PCDHA13: variants seen among roughly 807,000 people sequenced by gnomAD.
PCDHA13 encodes protocadherin alpha-13.
In PCDHA13, 54 loss-of-function variants were observed where a neutral mutation model predicts 64.8. That is an observed-to-expected ratio of 0.83 (90% CI 0.67 to 1.04). PCDHA13 has a LOEUF of 1.04. Ranked by LOEUF, PCDHA13 falls within the 50% of genes least tolerant of loss-of-function variation. The probability of loss-of-function intolerance (pLI) is 0.00; values close to 1 mark genes in which losing one functional copy is unlikely to be tolerated. For synonymous variants in PCDHA13, 587 were observed against 564.4 expected, an observed-to-expected ratio of 1.04 and a Z score of -0.57; for missense variants, 1,248 against 1,254.3, an observed-to-expected ratio of 0.99 and a Z score of 0.08.
intron 3 of PCDHA13, among the ~76,000 whole-genome samples, chr5:140,989,801 G>A (rs1554251107): frequency 1.3e-5 from 2 of 152,184 alleles, no homozygotes; most frequent in Non-Finnish European, 1.5e-5. Context: ...CCCAGGAAAG[G>A]GCCATAAGAT....
At chr5:140,968,704 G>A (rs782208487) in intron 1 of PCDHA13, 6 of 1,614,002 alleles carry the variant, frequency 3.7e-6, no homozygotes, top group Admixed American at 1.7e-5. Context: ...GGACTACCAG[G>A]AAGATGGGAG....
chr5:140,988,411 A>T (rs2097296392), intron 3 of PCDHA13, among the ~76,000 whole-genome samples: 1 of 152,144 alleles, frequency 6.6e-6, no homozygotes, highest in Non-Finnish European at 1.5e-5. Flanking sequence ...TTCGCAGCTT[A>T]TGTAAAGAAT....
intron 1 of PCDHA13, among the ~76,000 whole-genome samples, chr5:140,975,382 A>G (rs1219046015): frequency 1.3e-5 from 2 of 152,258 alleles, no homozygotes; most frequent in African/African-American, 4.8e-5. Flanking sequence ...AATCATGGGA[A>G]TAAGATCCAT....
At chr5:140,922,437 T>C (rs1462386336) in intron 1 of PCDHA13, among the ~76,000 whole-genome samples, 1 of 152,194 alleles carries the variant, frequency 6.6e-6, no homozygotes, top group African/African-American at 2.4e-5. Flanking sequence ...GGCAGAACTC[T>C]CTCATTATCC....
At chr5:140,932,059 AT>A (rs2087988463) in intron 1 of PCDHA13, among the ~76,000 whole-genome samples, 1 of 151,936 alleles carries the variant, frequency 6.6e-6, no homozygotes, top group Non-Finnish European at 1.5e-5. Context: ...AATACTAAAA[AT>A]TATCAGTTTA....
chr5:140,961,234 G>A (rs2095598781), intron 1 of PCDHA13, among the ~76,000 whole-genome samples: 1 of 152,180 alleles, frequency 6.6e-6, no homozygotes, highest in South Asian at 2.1e-4. Context: ...CCAAAAAGGT[G>A]ATGGAATTTA....
At chr5:140,946,077 C>T (rs246055) in intron 1 of PCDHA13, among the ~76,000 whole-genome samples, 85,716 of 151,878 alleles carry the variant, frequency 0.56, 24,786 homozygotes, top group African/African-American at 0.69. Context: ...TTGCAAACCA[C>T]AGATCTGATA....
intron 1 of PCDHA13, chr5:140,966,939 TG>T: frequency 1.2e-6 from 2 of 1,604,434 alleles, no homozygotes; most frequent in Non-Finnish European, 1.7e-6. Flanking sequence ...GGCGCGCTCG[TG>T]GGCAACGTGG....
At chr5:140,919,359 G>T (rs188480486) in intron 1 of PCDHA13, among the ~76,000 whole-genome samples, 3 of 152,146 alleles carry the variant, frequency 2.0e-5, no homozygotes, top group African/African-American at 7.2e-5. Context: ...ATCTAAAAGT[G>T]TCTCCTGCAG....
chr5:140,930,769 T>G (rs1373924244), intron 1 of PCDHA13, among the ~76,000 whole-genome samples: 2 of 152,214 alleles, frequency 1.3e-5, no homozygotes, highest in Non-Finnish European at 2.9e-5. Context: ...TTTTCTGTAC[T>G]TAATATTTTC....
intron 3 of PCDHA13, among the ~76,000 whole-genome samples, chr5:141,001,745 T>A (rs2098035193): frequency 6.6e-6 from 1 of 152,200 alleles, no homozygotes; most frequent in Non-Finnish European, 1.5e-5. Flanking sequence ...CTGGGCTGTT[T>A]CAGTGGTTGA....
chr5:140,975,216 G>A (rs1349439819), intron 1 of PCDHA13, among the ~76,000 whole-genome samples: 1 of 152,198 alleles, frequency 6.6e-6, no homozygotes, highest in Non-Finnish European at 1.5e-5. Context: ...TGGCACTGGA[G>A]AATCTTCCCT....
chr5:140,966,937 C>T (rs2096072123), intron 1 of PCDHA13: 6 of 1,604,032 alleles, frequency 3.7e-6, no homozygotes, highest in Non-Finnish European at 5.1e-6. Flanking sequence ...CCGGCGCGCT[C>T]GTGGGCAACG....
At chr5:140,927,540 C>T (rs1376391756) in intron 1 of PCDHA13, 6 of 1,614,136 alleles carry the variant, frequency 3.7e-6, no homozygotes, top group African/African-American at 2.7e-5. Flanking sequence ...GCTCAGGAGA[C>T]GCACAAGTCA....
chr5:140,988,423 T>G (rs2097297373), intron 3 of PCDHA13, among the ~76,000 whole-genome samples: 2 of 152,176 alleles, frequency 1.3e-5, no homozygotes. Context: ...GTAAAGAATT[T>G]GTTTGTTTTG....
At chr5:140,917,665 T>C (rs1174470921) in intron 1 of PCDHA13, among the ~76,000 whole-genome samples, 4 of 152,220 alleles carry the variant, frequency 2.6e-5, no homozygotes, top group African/African-American at 9.6e-5. Flanking sequence ...AGGAAGTCCT[T>C]TCTCCATTGC....
intron 3 of PCDHA13, among the ~76,000 whole-genome samples, chr5:141,005,862 G>A (rs376850991): frequency 6.6e-6 from 1 of 152,012 alleles, no homozygotes; most frequent in Non-Finnish European, 1.5e-5. Flanking sequence ...CAGGAGGGTC[G>A]ATTGAGTCCA....
At chr5:140,985,062 T>C (rs2097134097) in intron 3 of PCDHA13, among the ~76,000 whole-genome samples, 1 of 152,058 alleles carries the variant, frequency 6.6e-6, no homozygotes, top group African/African-American at 2.4e-5. Flanking sequence ...CTCAGCCTCC[T>C]GAGTAGCTGA....
chr5:140,892,351 G>T (rs1554185157), intron 1 of PCDHA13, among the ~76,000 whole-genome samples: 1 of 152,112 alleles, frequency 6.6e-6, no homozygotes, highest in Non-Finnish European at 1.5e-5. Context: ...ATTGACTTTT[G>T]CCAGGCATCT....
Sources: allele counts gnomAD v4.1 joint callset (sites outside exome capture counted in the v4.1 genomes callset), GRCh38; gene constraint gnomAD v4.1.1; transcripts MANE v1.5; gene names NCBI Gene and HGNC (gene_info 2026-07-23, HGNC 2026-07-21).